The following GLI1 variants were observed in gnomAD, a reference collection of about 807,000 sequenced individuals.
GLI1 encodes transcription activator GLI1.
In GLI1, 51 loss-of-function variants were observed where a neutral mutation model predicts 87.8. The ratio of observed to expected loss-of-function variants is 0.58; its 90% confidence interval spans 0.46 to 0.73. The LOEUF (loss-of-function observed/expected upper bound fraction) is 0.73, where lower values mean the gene tolerates loss of function less well. Among genes scored for constraint, GLI1 ranks in the 30% least tolerant of loss-of-function variants. The pLI is 0.00. For synonymous variants in GLI1, 528 were observed against 558.2 expected (o/e 0.95, Z 0.76); for missense variants, 1,292 against 1,437.2 (o/e 0.90, Z 1.63).
intron 8 of GLI1, among the ~76,000 whole-genome samples, chr12:57,466,643 C>T (rs980250432): frequency 6.6e-6 from 1 of 152,164 alleles, no homozygotes; most frequent in Admixed American, 6.5e-5. Flanking sequence ...GTGGCTCACA[C>T]CTGTAATCCC....
intron 1 of GLI1, 94 bp from the exon 2 acceptor site, chr12:57,463,571 T>C (rs10876987): frequency 0.64 from 456,380 of 714,496 alleles, 149,971 homozygotes; most frequent in Middle Eastern, 0.77. Context: ...GGGTGGGGGA[T>C]ACCAGGGATG....
In GLI1 at chr12:57,465,937, G is replaced by C. The variant is rs373895348; in HGVS notation, c.762+12G>C. ...AGCAGCTGGTGCACGTGAGCCCCAGGGGGTAACAGGAATGGCTAGCCAGAA... is the reference window on the plus strand; with the variant it reads ...AGCAGCTGGTGCACGTGAGCCCCAGCGGGTAACAGGAATGGCTAGCCAGAA... On this transcript the variant is annotated intron_variant, in intron 7 of 11. Coordinates refer to ENST00000228682, the MANE Select transcript of GLI1 (RefSeq NM_005269.3). The C allele has an allele frequency of 1.9e-5, 31 of 1,611,206 alleles. No individual in the cohort carries two copies. In the African/African-American group the frequency reaches 3.2e-4, roughly 17 times the overall value.
Position 57,470,804 on chromosome 12 carries a change from GC to G in GLI1, c.2070del (p.Ser691AlafsTer28). 6.2e-7 allele frequency: 1 copy of G among 1,611,804 alleles called. No individual in the cohort carries two copies. The highest frequency in any genetic ancestry group is 8.5e-7 in the Non-Finnish European group (1 of 1,178,756). Reference sequence around the variant, plus strand: ...TCCCAACCTCTGTCTACTCACCACAGCCCCCCAGCATCACTGAGAATGCTGC... The same window carrying G: ...TCCCAACCTCTGTCTACTCACCACAGCCCCCAGCATCACTGAGAATGCTGC... The part of the protein sequence containing the change: ...YLPTSVYSPQ[P>X]PSITENAAMD... On this transcript the variant is annotated frameshift_variant, in exon 12 of 12. Coordinates refer to ENST00000228682, the MANE Select transcript of GLI1 (RefSeq NM_005269.3). LOFTEE classifies it high-confidence loss of function.
chr12:57,464,904 C>G (rs1331238254), intron 4 of GLI1, 36 bp downstream of exon 4: 1 of 1,508,152 alleles, frequency 6.6e-7, no homozygotes, highest in Middle Eastern at 1.7e-4. Flanking sequence ...CCCCTAAAGC[C>G]CCTACCCAAG....
intron 8 of GLI1, 62 bp from the exon 9 acceptor site, chr12:57,467,271 G>C: frequency 7.4e-7 from 1 of 1,356,526 alleles, no homozygotes; most frequent in Non-Finnish European, 1.0e-6. Context: ...GAGATTGAGG[G>C]TTCCTTCCAT....
chr12:57,468,906 C>T (rs913560000), intron 10 of GLI1, among the ~76,000 whole-genome samples: 5 of 152,122 alleles, frequency 3.3e-5, no homozygotes, highest in African/African-American at 9.7e-5. Context: ...CGCCTGCCAC[C>T]ACGCCGGGCT....
intron 4 of GLI1, 85 bp from the exon 5 acceptor site, chr12:57,465,026 C>G (rs774714866): frequency 9.0e-6 from 13 of 1,445,048 alleles, no homozygotes; most frequent in Non-Finnish European, 1.1e-5. Context: ...CTACAAATCC[C>G]AAGTCTTCCA....
chr12:57,460,210 G>C lies in GLI1; in HGVS notation c.-28+9G>C, dbSNP rs1203698769. 1.3e-5 allele frequency: 2 copies of C among 152,328 alleles called. No individual in the cohort carries two copies. The highest frequency in any genetic ancestry group is 2.4e-5 in the African/African-American group (1 of 41,338). The allele number at this position is 152,328 out of a possible 1,614,324, so 9.4% of individuals were successfully genotyped here. On this transcript the variant is annotated intron_variant, in intron 1 of 11. Transcript: ENST00000228682. ...CCAGCGCCCAGACAGAGGTGAGAAG[G>C]GGGGGCAGGCGGGGGACCACCTGGG...
rs768242494 is a variant in GLI1 at position 57,463,703 on chromosome 12, G to A, written c.12G>A (p.Ser4=). The A allele has an allele frequency of 7.5e-6, 12 of 1,610,414 alleles. No individual in the cohort carries two copies. Among genetic ancestry groups the A allele is most frequent in the South Asian group, 6.6e-5 (6 of 91,024 alleles). ...TCCTCTGAGACGCCATGTTCAACTCGATGACCCCACCACCAATCAGTAGCT... is the reference window on the plus strand; with the variant it reads ...TCCTCTGAGACGCCATGTTCAACTCAATGACCCCACCACCAATCAGTAGCT... MFN[S]MTPPPISSYG... is the part of the protein sequence containing the mutation. Residue 4 remains serine (S), a synonymous_variant, in exon 2 of 12, where the codon TCG becomes TCA. Coordinates refer to ENST00000228682, the MANE Select transcript of GLI1 (RefSeq NM_005269.3).
At chr12:57,470,231 C>T in intron 11 of GLI1, 86 bp from the exon 12 acceptor site, 1 of 1,020,626 alleles carries the variant, frequency 9.8e-7, no homozygotes, top group Non-Finnish European at 1.5e-6. Context: ...CCCTGAGAAT[C>T]CAGGGCAAGG....
intron 8 of GLI1, among the ~76,000 whole-genome samples, 199 bp downstream of exon 8, chr12:57,466,588 T>C (rs1246782661): frequency 1.3e-5 from 2 of 152,148 alleles, no homozygotes; most frequent in African/African-American, 4.8e-5. Context: ...AAAAGCTCAT[T>C]TTTTTCCCCT....
At position 57,471,772 on chromosome 12, in the gene GLI1, G is replaced by C; in HGVS notation, c.3032G>C (p.Cys1011Ser). 2 of 1,566,598 alleles carry C rather than the reference G, an allele frequency of 1.3e-6. No homozygotes were observed. Among genetic ancestry groups the C allele is most frequent in the Non-Finnish European group, 1.7e-6 (2 of 1,155,948 alleles). ...PLKVGGTNPS[C>S]GHPEVGRLGG... ...AAAGTGGGAGGCACAAACCCCAGCTGTGGTCATCCTGAGGTGGGCAGGCTA... is the reference window on the plus strand; with the variant it reads ...AAAGTGGGAGGCACAAACCCCAGCTCTGGTCATCCTGAGGTGGGCAGGCTA... Residue 1011 changes from cysteine to serine, a missense_variant, in exon 12 of 12, where the codon TGT becomes TCT. By Grantham distance (112) the Cys-to-Ser change is moderately radical. This residue lies in a region of GLI1 where 897 missense variants were observed against 1,040.7 expected (regional missense o/e 0.86). Transcript: ENST00000228682. This position sits in a 1 kb window ranked among gnomAD's most constrained non-coding sequence, Gnocchi z 4.9.
Position 57,471,010 on chromosome 12 carries a change from C to T in GLI1, c.2270C>T (p.Pro757Leu). The T allele has an allele frequency of 1.9e-6, 3 of 1,610,290 alleles. No homozygotes were observed. The highest frequency in any genetic ancestry group is 2.2e-5 in the East Asian group (1 of 44,882). Reference protein sequence around the residue: ...GPGSLPLGPGPPTNYGPNPCP... With the variant: ...GPGSLPLGPGLPTNYGPNPCP... ...GGCTCTCTGCCTCTTGGGCCTGGTC[C>T]ACCCACCAACTATGGCCCCAACCCC... is the stretch of plus-strand genomic sequence containing the variant. The change falls in exon 12 of 12, where the codon CCA (proline) becomes CTA (leucine). Residue 757 changes from proline (P) to leucine (L), a missense_variant. Pro to Leu is a moderately conservative substitution (Grantham distance 98). This residue lies in a region of GLI1 where 897 missense variants were observed against 1,040.7 expected (regional missense o/e 0.86). Transcript: ENST00000228682. This position sits in a 1 kb window ranked among gnomAD's most constrained non-coding sequence, Gnocchi z 4.9.
chr12:57,472,172 G>A lies in GLI1; in HGVS notation c.*111G>A, dbSNP rs565846806. 272 of 711,588 alleles carry A rather than the reference G, an allele frequency of 3.8e-4. 2 individuals are homozygous for A. In the East Asian group the frequency reaches 6.6e-3, roughly 17 times the overall value. 44.1% of individuals were successfully genotyped at this position (711,588 alleles called of 1,614,324 possible). On this transcript the variant is annotated 3_prime_UTR_variant, in exon 12 of 12. Transcript: ENST00000228682. Reference sequence around the variant, plus strand: ...GCACAAGATGCCCCAGGGATGGGAGGTATGGGCTGGGGGCTATGTATAGTC... The same window carrying A: ...GCACAAGATGCCCCAGGGATGGGAGATATGGGCTGGGGGCTATGTATAGTC...
chr12:57,463,713 C>T lies in GLI1; in HGVS notation c.22C>T (p.Pro8Ser). The T allele has an allele frequency of 1.2e-6, 2 of 1,612,278 alleles. No individual in the cohort carries two copies. The highest frequency in any genetic ancestry group is 2.2e-5 in the South Asian group (2 of 91,066). ...CGCCATGTTCAACTCGATGACCCCA[C>T]CACCAATCAGTAGCTATGGCGAGCC... MFNSMTP[P>S]PISSYGEPCC... Residue 8 changes from proline to serine, a missense_variant, in exon 2 of 12, where the codon CCA becomes TCA. Pro to Ser is a moderately conservative substitution (Grantham distance 74). This residue lies in a region of GLI1 where 383 missense variants were observed against 368.4 expected (regional missense o/e 1.04). Coordinates refer to ENST00000228682, the MANE Select transcript of GLI1 (RefSeq NM_005269.3).
intron 1 of GLI1, among the ~76,000 whole-genome samples, chr12:57,461,710 G>T (rs1364882726): frequency 1.3e-5 from 2 of 151,900 alleles, no homozygotes; most frequent in African/African-American, 4.8e-5. Context: ...GAGCGGAGCC[G>T]TCTGCAGCCA....
intron 1 of GLI1, among the ~76,000 whole-genome samples, chr12:57,461,101 C>T (rs552912579): frequency 6.6e-6 from 1 of 152,240 alleles, no homozygotes; most frequent in South Asian, 2.1e-4. Flanking sequence ...TTTCAGGTCC[C>T]ATGACCCCGA....
Position 57,465,240 on chromosome 12 carries a change from C to A in GLI1, c.519C>A (p.Pro173=), listed in dbSNP as rs758586625. Residue 173 remains proline, a synonymous_variant, in exon 5 of 12, where the codon CCC becomes CCA. Coordinates refer to ENST00000228682, the MANE Select transcript of GLI1 (RefSeq NM_005269.3). ...TCCCACATCCTCAGTCCCGGGGACCCTTCCCAACTTGCCAGGTGAGAGTCC... is the reference window on the plus strand; with the variant it reads ...TCCCACATCCTCAGTCCCGGGGACCATTCCCAACTTGCCAGGTGAGAGTCC... ...GMIPHPQSRG[P]FPTCQLKSEL... 16 of 1,610,712 alleles carry A rather than the reference C, an allele frequency of 9.9e-6. No homozygotes were observed. In the South Asian group the frequency reaches 1.7e-4, roughly 17 times the overall value.
rs779592638 is a variant in GLI1 at position 57,471,398 on chromosome 12, C to T, written c.2658C>T (p.Pro886=). The T allele has an allele frequency of 1.2e-6, 2 of 1,613,140 alleles. No individual in the cohort carries two copies. The highest frequency in any genetic ancestry group is 1.7e-6 in the Non-Finnish European group (2 of 1,179,498). The part of the protein sequence containing the change: ...EPRPCLDFDS[P]THSTGQLKAQ... ...GGCCTTGCCTGGACTTTGATTCCCCCACCCATTCCACAGGGCAGCTCAAGG... is the reference window on the plus strand; with the variant it reads ...GGCCTTGCCTGGACTTTGATTCCCCTACCCATTCCACAGGGCAGCTCAAGG... Residue 886 remains proline (P), a synonymous_variant, in exon 12 of 12, where the codon CCC becomes CCT. Transcript: ENST00000228682. This position sits in a 1 kb window ranked among gnomAD's most constrained non-coding sequence, Gnocchi z 4.9.
Sources: gnomAD v4.1 joint callset for allele counts (sites outside exome capture counted in the v4.1 genomes callset) on GRCh38, gnomAD v4.1.1 for gene constraint, gnomAD v4.1.1 regional missense constraint, Gnocchi (gnomAD v3.1) non-coding constraint, MANE v1.5 for transcripts, NCBI Gene and HGNC (gene_info 2026-07-23, HGNC 2026-07-21) for gene names.